The following NRXN3 variants were observed in gnomAD, a reference collection of about 807,000 sequenced individuals.
NRXN3 encodes the protein neurexin 3.
Under a neutral mutation model 137.6 loss-of-function variants are expected in NRXN3, and 32 were observed. The observed-to-expected ratio is 0.23, with a 90% CI of 0.18 to 0.31. The LOEUF is 0.31. NRXN3 is among the 10% of genes least tolerant of loss of function. The pLI, the probability that NRXN3 is intolerant of heterozygous loss-of-function variation, is 1.00. For synonymous variants in NRXN3, 798 were observed against 784.5 expected (o/e 1.02, Z -0.29); for missense variants, 1,574 against 2,062.5 (o/e 0.76, Z 4.59).
intron 16 of NRXN3, among the ~76,000 whole-genome samples, chr14:79,517,999 G>C (rs1181489597): frequency 7.0e-6 from 1 of 142,794 alleles, no homozygotes; most frequent in South Asian, 2.2e-4. Context: ...TCCACCTCCT[G>C]GGTTCAAGCA....
At chr14:79,504,643 ATATATATATATG>A (rs1250286011) in intron 16 of NRXN3, among the ~76,000 whole-genome samples, 45 of 103,444 alleles carry the variant, frequency 4.4e-4, no homozygotes, top group South Asian at 1.7e-3. Flanking sequence ...GAAGTTTTTT[ATATATATATATG>A]TATATATATA....
At chr14:78,969,975 G>C (rs1022538412) in intron 14 of NRXN3, among the ~76,000 whole-genome samples, 2 of 151,942 alleles carry the variant, frequency 1.3e-5, no homozygotes, top group Non-Finnish European at 2.9e-5. Flanking sequence ...TAGTTCTTTT[G>C]TGTATTAAAG....
At chr14:79,251,465 A>C (rs1375285025) in intron 15 of NRXN3, among the ~76,000 whole-genome samples, 1 of 152,196 alleles carries the variant, frequency 6.6e-6, no homozygotes, top group African/African-American at 2.4e-5. Flanking sequence ...TAACTACAGT[A>C]TACAACGTAC....
intron 16 of NRXN3, among the ~76,000 whole-genome samples, chr14:79,568,717 G>A (rs1214986523): frequency 6.6e-6 from 1 of 152,188 alleles, no homozygotes; most frequent in Non-Finnish European, 1.5e-5. Flanking sequence ...TTCAGCTAGT[G>A]AGGGGAGTAA....
chr14:79,011,164 C>T (rs960291508), intron 15 of NRXN3, among the ~76,000 whole-genome samples: 7 of 152,106 alleles, frequency 4.6e-5, no homozygotes, highest in African/African-American at 1.7e-4. Flanking sequence ...TTTGTTCTTT[C>T]TTTGTACGTC....
chr14:79,503,507 C>CT (rs938666608), intron 16 of NRXN3, among the ~76,000 whole-genome samples: 51 of 151,888 alleles, frequency 3.4e-4, no homozygotes, highest in South Asian at 8.3e-4. Context: ...CCAGAAATGC[C>CT]TTTTTTTTCT....
At chr14:79,499,245 A>G (rs572670626) in intron 16 of NRXN3, among the ~76,000 whole-genome samples, 32 of 152,212 alleles carry the variant, frequency 2.1e-4, no homozygotes, top group Non-Finnish European at 3.7e-4. Flanking sequence ...CTCGTCTACC[A>G]CTTTCCTCCA....
chr14:78,545,761 G>T (rs939316243), intron 4 of NRXN3, among the ~76,000 whole-genome samples: 2 of 152,162 alleles, frequency 1.3e-5, no homozygotes, highest in Admixed American at 6.5e-5. Flanking sequence ...CTTAGAACCT[G>T]CTGTGTGCCA....
At chr14:78,195,644 G>A (rs1270672534) in intron 1 of NRXN3, among the ~76,000 whole-genome samples, 1 of 152,226 alleles carries the variant, frequency 6.6e-6, no homozygotes, top group Non-Finnish European at 1.5e-5. Flanking sequence ...GAGCTGAGGA[G>A]AGCAACTGCG....
intron 16 of NRXN3, among the ~76,000 whole-genome samples, chr14:79,619,337 G>T (rs2098196214): frequency 6.6e-6 from 1 of 151,954 alleles, no homozygotes; most frequent in African/African-American, 2.4e-5. Context: ...ATGATTTTTA[G>T]GTCTCACATT....
intron 6 of NRXN3, among the ~76,000 whole-genome samples, chr14:78,660,288 G>C (rs1369940592): frequency 7.0e-6 from 1 of 143,602 alleles, no homozygotes; most frequent in Admixed American, 6.7e-5. Flanking sequence ...TGGCAACTGG[G>C]TATTCATTCT....
At chr14:79,298,992 A>C (rs1598425884) in intron 15 of NRXN3, 1 of 152,332 alleles carries the variant, frequency 6.6e-6, no homozygotes, top group East Asian at 1.9e-4. Flanking sequence ...TTGAGTGATG[A>C]GGCTAAACGT....
At chr14:78,946,458 C>A (rs987110448) in intron 10 of NRXN3, among the ~76,000 whole-genome samples, 5 of 152,150 alleles carry the variant, frequency 3.3e-5, no homozygotes, top group Non-Finnish European at 5.9e-5. Flanking sequence ...TTCAACTCCC[C>A]CAGCAGACTC....
chr14:79,584,712 A>C (rs1160647911), intron 16 of NRXN3, among the ~76,000 whole-genome samples: 2 of 152,176 alleles, frequency 1.3e-5, no homozygotes, highest in Admixed American at 1.3e-4. Flanking sequence ...GACCACCTGA[A>C]GGTGACTGGC....
intron 1 of NRXN3, among the ~76,000 whole-genome samples, chr14:78,172,813 G>C (rs1213164671): frequency 6.6e-6 from 1 of 152,166 alleles, no homozygotes; most frequent in Non-Finnish European, 1.5e-5. Flanking sequence ...CTTGAGAAGA[G>C]GAGGGGGCAG....
chr14:79,277,188 T>C (rs1301127286), intron 15 of NRXN3, among the ~76,000 whole-genome samples: 1 of 152,072 alleles, frequency 6.6e-6, no homozygotes, highest in East Asian at 1.9e-4. Context: ...GGGAAAAGCC[T>C]TCCAGACAGA....
chr14:79,715,433 T>C lies in NRXN3; in HGVS notation c.4014+17496T>C, dbSNP rs2098820481. Among the ~76,000 whole-genome samples, 4 of 152,180 alleles carry C rather than the reference T, an allele frequency of 2.6e-5. No individual in the cohort carries two copies. The South Asian group carries it at 8.3e-4, about 31-fold the overall frequency. On this transcript the variant is annotated intron_variant, in intron 19 of 20. Coordinates refer to ENST00000335750, the MANE Select transcript of NRXN3 (RefSeq NM_001330195.2). Reference sequence around the variant, plus strand: ...CTGTGGAGATTCTGGCAAACCTATATTTTGGGTTTAGCTTTCAAGGAAGAG... The same window carrying C: ...CTGTGGAGATTCTGGCAAACCTATACTTTGGGTTTAGCTTTCAAGGAAGAG...
At chr14:79,496,592 T>A (rs1281808794) in intron 16 of NRXN3, among the ~76,000 whole-genome samples, 2 of 152,218 alleles carry the variant, frequency 1.3e-5, no homozygotes, top group Non-Finnish European at 2.9e-5. Context: ...TACAGAACAC[T>A]GGGTGATACA....
intron 16 of NRXN3, among the ~76,000 whole-genome samples, chr14:79,576,659 C>T (rs149482797): frequency 1.1e-4 from 17 of 152,172 alleles, no homozygotes; most frequent in South Asian, 2.1e-4. Flanking sequence ...TTTGCTTCCC[C>T]GCTGACCATG....
Sources: gnomAD v4.1 joint callset for allele counts (sites outside exome capture counted in the v4.1 genomes callset) on GRCh38, gnomAD v4.1.1 for gene constraint, MANE v1.5 for transcripts, NCBI Gene and HGNC (gene_info 2026-07-23, HGNC 2026-07-21) for gene names.